The following CSMD1 variants were observed in gnomAD, a reference collection of about 807,000 sequenced individuals.
CSMD1 encodes CUB and Sushi multiple domains 1.
CSMD1 carries 213 observed loss-of-function variants against 417.5 expected under a neutral mutation model. The observed-to-expected ratio is 0.51, with a 90% CI of 0.46 to 0.57. CSMD1 has a LOEUF of 0.57. Ranked by LOEUF, CSMD1 falls within the 20% of genes least tolerant of loss-of-function variation. CSMD1 has a pLI of 0.00. For missense variants in CSMD1, 6,923 were observed against 4,529.7 expected (o/e 1.53, Z -15.17); for synonymous variants, 2,862 against 1,736.8 (o/e 1.65, Z -16.11).
At chr8:3,917,135 T>G (rs780301110) in intron 5 of CSMD1, among the ~76,000 whole-genome samples, 1 of 152,210 alleles carries the variant, frequency 6.6e-6, no homozygotes, top group Non-Finnish European at 1.5e-5. Context: ...TCTAAGAGAA[T>G]GAGTGCTTAC....
chr8:3,123,371 T>C (rs1317222780), intron 41 of CSMD1, among the ~76,000 whole-genome samples: 1 of 152,220 alleles, frequency 6.6e-6, no homozygotes, highest in Non-Finnish European at 1.5e-5. Context: ...GTGCCTGGAA[T>C]GCCTCCTCCC....
At chr8:4,077,087 T>C (rs541437148) in intron 3 of CSMD1, among the ~76,000 whole-genome samples, 1 of 152,002 alleles carries the variant, frequency 6.6e-6, no homozygotes, top group African/African-American at 2.4e-5. Context: ...ATAAATGATA[T>C]ATATTTTAAG....
chr8:4,184,963 C>A (rs1027156709), intron 3 of CSMD1, among the ~76,000 whole-genome samples: 1 of 151,772 alleles, frequency 6.6e-6, no homozygotes, highest in Non-Finnish European at 1.5e-5. Context: ...TGTGGTGAAA[C>A]CCCATCTCTA....
At chr8:3,562,919 AG>A (rs1160455075) in intron 10 of CSMD1, among the ~76,000 whole-genome samples, 1 of 151,928 alleles carries the variant, frequency 6.6e-6, no homozygotes, top group East Asian at 1.9e-4. Flanking sequence ...TGAACTTAAA[AG>A]TTAAAAAAAA....
intron 5 of CSMD1, among the ~76,000 whole-genome samples, chr8:3,759,347 C>T (rs1288910826): frequency 6.6e-6 from 1 of 152,052 alleles, no homozygotes; most frequent in Admixed American, 6.5e-5. Flanking sequence ...CAATGTGACA[C>T]AATTCTTATC....
At chr8:4,424,251 G>T (rs1011025834) in intron 2 of CSMD1, among the ~76,000 whole-genome samples, 1 of 151,986 alleles carries the variant, frequency 6.6e-6, no homozygotes, top group Non-Finnish European at 1.5e-5. Context: ...GAATAAAAGT[G>T]TATGCTGCAG....
At chr8:3,036,956 T>G (rs1030663517) in intron 50 of CSMD1, among the ~76,000 whole-genome samples, 1 of 152,184 alleles carries the variant, frequency 6.6e-6, no homozygotes, top group South Asian at 2.1e-4. Flanking sequence ...TGTAGTCTTT[T>G]ATCCCTCACC....
intron 3 of CSMD1, among the ~76,000 whole-genome samples, chr8:4,334,572 C>G (rs544301883): frequency 6.6e-6 from 1 of 152,164 alleles, no homozygotes; most frequent in Non-Finnish European, 1.5e-5. Context: ...TGATGGATGA[C>G]AGAGAGACAT....
intron 3 of CSMD1, among the ~76,000 whole-genome samples, chr8:4,156,109 T>C (rs1031048775): frequency 6.6e-5 from 10 of 152,098 alleles, no homozygotes; most frequent in African/African-American, 4.8e-5. Flanking sequence ...ATAATAATCA[T>C]CCGATCCTGA....
At chr8:3,407,304 C>T (rs755994649) in intron 14 of CSMD1, among the ~76,000 whole-genome samples, 8 of 149,934 alleles carry the variant, frequency 5.3e-5, no homozygotes, top group African/African-American at 7.4e-5. Context: ...GAATGATAGA[C>T]GGAATAATGG....
intron 2 of CSMD1, among the ~76,000 whole-genome samples, chr8:4,618,048 A>G (rs1801573855): frequency 6.6e-6 from 1 of 152,200 alleles, no homozygotes; most frequent in Non-Finnish European, 1.5e-5. Context: ...AATATGCACT[A>G]TGGTGACAGG....
At chr8:4,726,631 T>A (rs1242281900) in intron 1 of CSMD1, among the ~76,000 whole-genome samples, 1 of 152,184 alleles carries the variant, frequency 6.6e-6, no homozygotes, top group African/African-American at 2.4e-5. Flanking sequence ...CCCTGAATCA[T>A]TATTTCAAGG....
intron 1 of CSMD1, among the ~76,000 whole-genome samples, chr8:4,943,981 A>G (rs1039496318): frequency 2.0e-5 from 3 of 152,210 alleles, no homozygotes; most frequent in Admixed American, 2.0e-4. Flanking sequence ...ATGACAAGAC[A>G]TACTGGCGGT....
At chr8:3,479,450 T>A (rs926737311) in intron 11 of CSMD1, among the ~76,000 whole-genome samples, 2 of 152,156 alleles carry the variant, frequency 1.3e-5, no homozygotes, top group Non-Finnish European at 2.9e-5. Context: ...CCAGCTAATT[T>A]TGTACTTTTA....
intron 5 of CSMD1, among the ~76,000 whole-genome samples, chr8:3,790,010 C>T (rs1437518289): frequency 2.0e-5 from 3 of 152,224 alleles, no homozygotes; most frequent in Admixed American, 6.5e-5. Context: ...GGATTACAGG[C>T]GTAAGCCACC....
chr8:4,308,076 G>A (rs13263341), intron 3 of CSMD1, among the ~76,000 whole-genome samples: 1 of 152,104 alleles, frequency 6.6e-6, no homozygotes, highest in African/African-American at 2.4e-5. Flanking sequence ...ACACACTTTG[G>A]TCTTTATTCG....
At chr8:3,322,475 C>A (rs932514572) in intron 23 of CSMD1, among the ~76,000 whole-genome samples, 38 of 152,216 alleles carry the variant, frequency 2.5e-4, no homozygotes, top group African/African-American at 8.9e-4. Context: ...TCTTGTTTTA[C>A]GCTAAATTGC....
At position 4,855,616 on chromosome 8, in the gene CSMD1, T is replaced by C. The variant is rs557047908; in HGVS notation, c.85+138716A>G. Among the ~76,000 whole-genome samples the C allele has an allele frequency of 2.1e-4, 32 of 152,250 alleles. No homozygotes were observed. In the South Asian group the frequency reaches 6.0e-3, roughly 29 times the overall value. Reference sequence around the variant, plus strand: ...CAAGGCGCGAGAACTACGTGAAGAATGCAGAAGCCTCTGGAGCCAATGCAA... The same window carrying C: ...CAAGGCGCGAGAACTACGTGAAGAACGCAGAAGCCTCTGGAGCCAATGCAA... On this transcript the variant is annotated intron_variant, in intron 1 of 69. Transcript: ENST00000635120.
intron 2 of CSMD1, among the ~76,000 whole-genome samples, chr8:4,615,101 C>T (rs1801399888): frequency 6.6e-6 from 1 of 152,192 alleles, no homozygotes; most frequent in South Asian, 2.1e-4. Flanking sequence ...ATTAGTACCT[C>T]TGTAACTGCA....
Sources: allele counts gnomAD v4.1 joint callset (sites outside exome capture counted in the v4.1 genomes callset), GRCh38; gene constraint gnomAD v4.1.1; transcripts MANE v1.5; gene names NCBI Gene and HGNC (gene_info 2026-07-23, HGNC 2026-07-21).